Variants in CMYA5 observed in about 807,000 individuals in gnomAD.
CMYA5 encodes the protein cardiomyopathy associated 5.
A neutral mutation model predicts 318.9 loss-of-function variants in CMYA5; 246 were observed. That is an observed-to-expected ratio of 0.77 (90% CI 0.70 to 0.86). CMYA5 has a LOEUF of 0.86. CMYA5 is among the 40% of genes least tolerant of loss of function. The probability of loss-of-function intolerance (pLI) is 0.00; values close to 1 mark genes in which losing one functional copy is unlikely to be tolerated. For missense variants in CMYA5, 4,589 were observed against 4,678.2 expected (o/e 0.98, Z 0.56); for synonymous variants, 1,641 against 1,729.5 (o/e 0.95, Z 1.27).
At position 79,738,454 on chromosome 5, in the gene CMYA5, CT is replaced by C; in HGVS notation, c.9690del (p.Asp3231MetfsTer23). The C allele has an allele frequency of 3.1e-6, 5 of 1,613,702 alleles. No individual in the cohort carries two copies. Among genetic ancestry groups the C allele is most frequent in the Non-Finnish European group, 4.2e-6 (5 of 1,179,844 alleles). ...TCATTTCCCAGCAGAAATTCTGACA[CT>C]GATGATGGAACAGGAATATATTTTG... ...EASFPSRNSD[T>X]DDGTGIYFEK... On this transcript the variant is annotated frameshift_variant, in exon 2 of 13. Coordinates refer to ENST00000446378, the MANE Select transcript of CMYA5 (RefSeq NM_153610.5). LOFTEE classifies it high-confidence loss of function.
rs776934211 is a variant in CMYA5 at position 79,732,669 on chromosome 5, G to A, written c.3904G>A (p.Glu1302Lys). ...GPEALSAVKM[E>K]MKHDSKITTT... ...TGAGGCTTTATCAGCAGTGAAAATG[G>A]AGATGAAACATGATTCCAAAATAAC... Residue 1302 changes from glutamate to lysine, a missense_variant, in exon 2 of 13, where the codon GAG (glutamate) becomes AAG (lysine). Around this residue, in one of 3 missense-constraint regions of CMYA5, gnomAD observed 2,132 missense variants for 2,131.3 expected, o/e 1.00. Coordinates refer to ENST00000446378, the MANE Select transcript of CMYA5 (RefSeq NM_153610.5). 6.2e-7 allele frequency: 1 copy of A among 1,613,494 alleles called. No homozygotes were observed. The highest frequency in any genetic ancestry group is 1.1e-5 in the South Asian group (1 of 90,968).
chr5:79,743,990 G>GT, intron 3 of CMYA5, 68 bp downstream of exon 3: 1 of 777,316 alleles, frequency 1.3e-6, no homozygotes, highest in South Asian at 2.0e-5. Context: ...TGATTCTGAG[G>GT]TGAAGGGATC....
rs765649032 is a variant in CMYA5, at chr5:79,732,057, A to G, written c.3292A>G (p.Thr1098Ala). ...AGCAGAAATTAAGCCAGAGATTCCA[A>G]CAACCTCAACATCTGTATCTGAATA... ...EKAEIKPEIPTTSTSVSEYLI... is the reference protein window; with the variant it reads ...EKAEIKPEIPATSTSVSEYLI... The change falls in exon 2 of 13, where the codon ACA becomes GCA. Residue 1098 changes from threonine (T) to alanine (A), a missense_variant. Around this residue, in one of 3 missense-constraint regions of CMYA5, gnomAD observed 2,132 missense variants for 2,131.3 expected, o/e 1.00. Coordinates refer to ENST00000446378, the MANE Select transcript of CMYA5 (RefSeq NM_153610.5). The G allele has an allele frequency of 1.2e-6, 2 of 1,614,002 alleles. No individual in the cohort carries two copies. Among genetic ancestry groups the G allele is most frequent in the South Asian group, 1.1e-5 (1 of 91,080 alleles).
rs539298744 is a variant in CMYA5, at chr5:79,760,974, G to A, written c.11261-837G>A. On this transcript the variant is annotated intron_variant, in intron 7 of 12. Coordinates refer to ENST00000446378, the MANE Select transcript of CMYA5 (RefSeq NM_153610.5). Reference sequence around the variant, plus strand: ...ATTTTCTTTTAAAGAAACAGTCTGGGTTCTTAAGTGGAAAAGTTTTGAAGA... The same window carrying A: ...ATTTTCTTTTAAAGAAACAGTCTGGATTCTTAAGTGGAAAAGTTTTGAAGA... Among the ~76,000 whole-genome samples the A allele has an allele frequency of 4.6e-5, 7 of 152,250 alleles. No individual in the cohort carries two copies. In the East Asian group the frequency reaches 7.7e-4, roughly 17 times the overall value.
In CMYA5 at chr5:79,736,596, G is replaced by GA; in HGVS notation, c.7833dup (p.Ala2612SerfsTer15). 4 of 1,613,764 alleles carry GA rather than the reference G, an allele frequency of 2.5e-6. No homozygotes were observed. Among genetic ancestry groups the GA allele is most frequent in the Non-Finnish European group, 2.5e-6 (3 of 1,179,786 alleles). Reference sequence around the variant, plus strand: ...CGCAGAGGCTCACCCAGAAATCAGAGAAGCAAAGGCAGTAGGAACCCAACC... The same window carrying GA: ...CGCAGAGGCTCACCCAGAAATCAGAGAAAGCAAAGGCAGTAGGAACCCAACC... On this transcript the variant is annotated frameshift_variant, in exon 2 of 13. Transcript: ENST00000446378. LOFTEE classifies it high-confidence loss of function.
intron 1 of CMYA5, among the ~76,000 whole-genome samples, chr5:79,721,460 AC>A (rs1375184458): frequency 2.6e-5 from 4 of 152,242 alleles, no homozygotes; most frequent in African/African-American, 9.6e-5. Context: ...ATTTAAATGA[AC>A]TAAATGCTCT....
intron 9 of CMYA5, among the ~76,000 whole-genome samples, chr5:79,772,129 A>G (rs540012963): frequency 1.3e-5 from 2 of 152,288 alleles, no homozygotes; most frequent in African/African-American, 4.8e-5. Flanking sequence ...AGGAAAAAAA[A>G]AAGACCATCC....
chr5:79,745,672 A>C (rs906479865), intron 4 of CMYA5, among the ~76,000 whole-genome samples: 1 of 152,230 alleles, frequency 6.6e-6, no homozygotes, highest in Non-Finnish European at 1.5e-5. Context: ...TGAAAGATAC[A>C]GCTGAAAGAG....
chr5:79,744,235 T>C (rs1828274686), intron 3 of CMYA5, among the ~76,000 whole-genome samples: 1 of 152,246 alleles, frequency 6.6e-6, no homozygotes, highest in South Asian at 2.1e-4. Context: ...ATAGGTGTTA[T>C]TATTGTTCCA....
Position 79,761,873 on chromosome 5 carries a change from C to T in CMYA5, c.11323C>T (p.Pro3775Ser). 2 of 1,613,708 alleles carry T rather than the reference C, an allele frequency of 1.2e-6. No homozygotes were observed. The highest frequency in any genetic ancestry group is 1.1e-5 in the South Asian group (1 of 90,968). The change falls in exon 8 of 13, where the codon CCT becomes TCT. Residue 3775 changes from proline (P) to serine (S), a missense_variant. Pro to Ser is a moderately conservative substitution (Grantham distance 74, BLOSUM62 -1). This residue lies in a region of CMYA5 where 2,431 missense variants were observed against 2,495.1 expected (regional missense o/e 0.97). Transcript: ENST00000446378. ...CTACTGCATTTTTGAAGATCTGGAA[C>T]CTGACCGATGCTATCAAGTGTGGGT... is the stretch of plus-strand genomic sequence containing the variant. ...ESYCIFEDLE[P>S]DRCYQVWVMA...
rs1226601830 is a variant in CMYA5 at position 79,735,709 on chromosome 5, T to A, written c.6944T>A (p.Leu2315His). The change falls in exon 2 of 13, where the codon CTT becomes CAT. Residue 2315 changes from leucine (L) to histidine (H), a missense_variant. Coordinates refer to ENST00000446378, the MANE Select transcript of CMYA5 (RefSeq NM_153610.5). The stretch of plus-strand genomic sequence containing the variant: ...GTTACTTCTGCTGATGGTGAGAACC[T>A]TGAAATTCAATCTTATTCACTAATC... ...SVVTSADGEN[L>H]EIQSYSLIGE... 1.9e-6 allele frequency: 3 copies of A among 1,599,808 alleles called. No individual in the cohort carries two copies. In the Admixed American group the frequency reaches 5.3e-5, roughly 28 times the overall value.
intron 1 of CMYA5, among the ~76,000 whole-genome samples, chr5:79,718,125 G>C (rs1827554898): frequency 2.1e-5 from 1 of 48,202 alleles, no homozygotes; most frequent in South Asian, 5.1e-4. Context: ...CTGACCTCGT[G>C]ATCCGCCCGC....
chr5:79,742,168 C>G (rs951127625), intron 2 of CMYA5, among the ~76,000 whole-genome samples: 2 of 142,240 alleles, frequency 1.4e-5, no homozygotes, highest in African/African-American at 5.2e-5. Flanking sequence ...TTCCCCCCTC[C>G]TCCTCCTCTT....
chr5:79,738,581 A>G lies in CMYA5; in HGVS notation c.9816A>G (p.Ser3272=). 8.7e-6 allele frequency: 14 copies of G among 1,613,728 alleles called. No homozygotes were observed. Among genetic ancestry groups the G allele is most frequent in the Non-Finnish European group, 1.2e-5 (14 of 1,179,866 alleles). ...AAAAACGAGTTGGTAAGGATGATTC[A>G]TACCAACCGATAGCTGCAGAAGGGG... The part of the protein sequence containing the change: ...LEEKRVGKDD[S]YQPIAAEGEI... The change falls in exon 2 of 13, where the codon TCA becomes TCG. Residue 3272 remains serine (S), a synonymous_variant. Transcript: ENST00000446378.
At chr5:79,721,125 G>T (rs1045690857) in intron 1 of CMYA5, among the ~76,000 whole-genome samples, 2 of 152,070 alleles carry the variant, frequency 1.3e-5, no homozygotes, top group South Asian at 2.1e-4. Flanking sequence ...AATTTCCAGG[G>T]TAATCACTAA....
intron 1 of CMYA5, among the ~76,000 whole-genome samples, chr5:79,725,887 G>C (rs1455967762): frequency 2.0e-5 from 3 of 152,156 alleles, no homozygotes; most frequent in Non-Finnish European, 4.4e-5. Flanking sequence ...CTGGGCAACA[G>C]AGCAAGACTC....
intron 9 of CMYA5, 99 bp downstream of exon 9, chr5:79,763,308 C>G: frequency 9.0e-7 from 1 of 1,106,262 alleles, no homozygotes; most frequent in South Asian, 1.7e-5. Flanking sequence ...GGGAGAAATG[C>G]CGTCTAAAAT....
At chr5:79,716,609 A>C (rs1202218311) in intron 1 of CMYA5, among the ~76,000 whole-genome samples, 1 of 152,208 alleles carries the variant, frequency 6.6e-6, no homozygotes, top group African/African-American at 2.4e-5. Context: ...CATTTTAAGA[A>C]ATTTTAACAA....
chr5:79,760,536 G>A (rs1828631629), intron 7 of CMYA5, among the ~76,000 whole-genome samples: 1 of 152,186 alleles, frequency 6.6e-6, no homozygotes, highest in South Asian at 2.1e-4. Context: ...AGAAGGTGAA[G>A]GGGAAGCAAG....
Sources: allele counts gnomAD v4.1 joint callset (sites outside exome capture counted in the v4.1 genomes callset), GRCh38; gene constraint gnomAD v4.1.1; regional missense constraint gnomAD v4.1.1; transcripts MANE v1.5; gene names NCBI Gene and HGNC (gene_info 2026-07-23, HGNC 2026-07-21).